The following PIK3R2 variants were observed in gnomAD, a reference collection of about 807,000 sequenced individuals.
PIK3R2 encodes phosphatidylinositol 3-kinase regulatory subunit beta.
In PIK3R2, 40 loss-of-function variants were observed where a neutral mutation model predicts 78.5. The ratio of observed to expected loss-of-function variants is 0.51; its 90% confidence interval spans 0.40 to 0.66. The LOEUF is 0.66. Among genes scored for constraint, PIK3R2 ranks in the 30% least tolerant of loss-of-function variants. The pLI is 0.00. For synonymous variants in PIK3R2, 473 were observed against 457.7 expected, an observed-to-expected ratio of 1.03 and a Z score of -0.43; for missense variants, 880 against 1,026.6, an observed-to-expected ratio of 0.86 and a Z score of 1.95.
intron 11 of PIK3R2, among the ~76,000 whole-genome samples, chr19:18,164,635 G>A (rs1435651453): frequency 7.6e-6 from 1 of 131,002 alleles, no homozygotes; most frequent in South Asian, 2.3e-4. Flanking sequence ...TCTTTTTTTT[G>A]TTTTGTTTTT....
Position 18,156,170 on chromosome 19 carries a change from C to T in PIK3R2, c.291C>T (p.Pro97=), listed in dbSNP as rs201655779. The change falls in exon 2 of 16, where the codon CCC becomes CCT. Residue 97 remains proline, a synonymous_variant. Transcript: ENST00000222254. This position sits in a 1 kb window ranked among gnomAD's most constrained non-coding sequence, Gnocchi z 4.2. ...GPRPRGPRPL[P]ARPRDGAPEP... is the part of the protein sequence containing the mutation. ...GCCCACGGGGCCCCCGCCCACTGCC[C>T]GCCAGGCCCCGTGATGGGGCCCCTG... 1.3e-3 allele frequency: 1,897 copies of T among 1,451,484 alleles called. 22 individuals carry two copies. The African/African-American group carries it at 0.025, about 19-fold the overall frequency. The allele number at this position is 1,451,484 out of a possible 1,614,324, so 89.9% of individuals were successfully genotyped here.
Position 18,168,705 on chromosome 19 carries a change from CG to C in PIK3R2, c.1809-20del. 6.3e-7 allele frequency: 1 copy of C among 1,594,456 alleles called. No individual in the cohort carries two copies. Among genetic ancestry groups the C allele is most frequent in the Non-Finnish European group, 8.6e-7 (1 of 1,163,708 alleles). Reference sequence around the variant, plus strand: ...GCAGGTGAGTGACCAGGGCCCTCCCCGCCACCGCCCCCCACCCCAGCCAGTA... The same window carrying C: ...GCAGGTGAGTGACCAGGGCCCTCCCCCCACCGCCCCCCACCCCAGCCAGTA... On this transcript the variant is annotated intron_variant, in intron 14 of 15. Transcript: ENST00000222254. This position sits in a 1 kb window ranked among gnomAD's most constrained non-coding sequence, Gnocchi z 4.1.
chr19:18,159,400 T>C (rs1568634757), intron 2 of PIK3R2, among the ~76,000 whole-genome samples: 1 of 151,890 alleles, frequency 6.6e-6, no homozygotes, highest in Admixed American at 6.6e-5. Context: ...CAGGCATTCA[T>C]TCCTCTCATG....
intron 11 of PIK3R2, among the ~76,000 whole-genome samples, chr19:18,163,941 A>G (rs1463871473): frequency 2.6e-5 from 4 of 152,166 alleles, no homozygotes; most frequent in Non-Finnish European, 5.9e-5. Context: ...AACTTGGCCA[A>G]CATGTTGAAA....
chr19:18,157,727 C>T (rs1260366941), intron 2 of PIK3R2, among the ~76,000 whole-genome samples: 3 of 114,558 alleles, frequency 2.6e-5, no homozygotes, highest in East Asian at 5.0e-4. Flanking sequence ...TCCTCCTTGT[C>T]CTTTTCCTTT....
rs992898626 is a variant in PIK3R2, at chr19:18,161,636, C to T, written c.815+141C>T. The T allele has an allele frequency of 1.6e-5, 8 of 499,618 alleles. No homozygotes were observed. The highest frequency in any genetic ancestry group is 2.7e-5 in the Non-Finnish European group (8 of 291,834). 30.9% of individuals were successfully genotyped at this position (499,618 alleles called of 1,614,324 possible). On this transcript the variant is annotated intron_variant, in intron 6 of 15. Transcript: ENST00000222254. The surrounding 1 kb of genome is among the most constrained non-coding windows in gnomAD (Gnocchi z 5.3). ...GTGAGAAGCTGCGTTCTTGTGATGA[C>T]GGAGCGGAGACCTGGGCTCCTGAGT...
In PIK3R2 at chr19:18,168,370, C is replaced by T; in HGVS notation, c.1737-105C>T. 1.4e-6 allele frequency: 1 copy of T among 702,198 alleles called. No homozygotes were observed. The highest frequency in any genetic ancestry group is 1.5e-5 in the South Asian group (1 of 65,998). 43.5% of individuals were successfully genotyped at this position (702,198 alleles called of 1,614,324 possible). On this transcript the variant is annotated intron_variant, in intron 13 of 15. Coordinates refer to ENST00000222254, the MANE Select transcript of PIK3R2 (RefSeq NM_005027.4). This position sits in a 1 kb window ranked among gnomAD's most constrained non-coding sequence, Gnocchi z 4.1. ...TTGTGGCAACCGGAGATATTGTACC[C>T]AGAACCCTCTCTCCTCAGCCAGACC...
intron 2 of PIK3R2, among the ~76,000 whole-genome samples, chr19:18,158,086 G>A (rs1048853357): frequency 1.3e-5 from 2 of 152,176 alleles, no homozygotes; most frequent in Non-Finnish European, 2.9e-5. Context: ...TTTTTTAGAA[G>A]CAAAATGATT....
At chr19:18,162,861 G>A in intron 9 of PIK3R2, 106 bp from the exon 10 acceptor site, 5 of 1,072,812 alleles carry the variant, frequency 4.7e-6, no homozygotes, top group Non-Finnish European at 6.7e-6. Flanking sequence ...CTGCACTGCA[G>A]CCTGGACAAC....
chr19:18,164,640 G>T (rs372157056), intron 11 of PIK3R2, among the ~76,000 whole-genome samples: 114 of 138,548 alleles, frequency 8.2e-4, no homozygotes, highest in South Asian at 4.6e-3. Flanking sequence ...TTTTTGTTTT[G>T]TTTTTTTTTT....
chr19:18,159,144 C>CTTTTTTTTTTTTTTTTTTTTTTT (rs57543686), intron 2 of PIK3R2, among the ~76,000 whole-genome samples: 3 of 50,054 alleles, frequency 6.0e-5, no homozygotes, highest in Non-Finnish European at 1.0e-4. Context: ...GCCTGGCCTC[C>CTTTTTTTTTTTTTTTTTTTTTTT]TTTTTTTTTT....
At position 18,167,127 on chromosome 19, in the gene PIK3R2, C is replaced by T. The variant is rs912606375; in HGVS notation, c.1560-3C>T. On this transcript the variant is annotated splice_region_variant and splice_polypyrimidine_tract_variant and intron_variant, in intron 12 of 15. Transcript: ENST00000222254. This position sits in a 1 kb window ranked among gnomAD's most constrained non-coding sequence, Gnocchi z 4.5. ...TCTCTGCGCCACCCCACCCCTCCCA[C>T]AGGATCCTGCTGAACTCCGAGCGGC... 3.2e-6 allele frequency: 5 copies of T among 1,570,042 alleles called. No individual in the cohort carries two copies. Among genetic ancestry groups the T allele is most frequent in the Non-Finnish European group, 4.3e-6 (5 of 1,155,400 alleles).
At position 18,161,848 on chromosome 19, in the gene PIK3R2, G is replaced by A. The variant is rs2043751048; in HGVS notation, c.816-118G>A. 2.5e-6 allele frequency: 2 copies of A among 795,930 alleles called. No individual in the cohort carries two copies. Among genetic ancestry groups the A allele is most frequent in the South Asian group, 1.5e-5 (1 of 66,632 alleles). 49.3% of individuals were successfully genotyped at this position (795,930 alleles called of 1,614,324 possible). A position where few individuals can be genotyped will look rare whatever the true frequency, so the allele number is the denominator to read the frequency against. On this transcript the variant is annotated intron_variant, in intron 6 of 15. Coordinates refer to ENST00000222254, the MANE Select transcript of PIK3R2 (RefSeq NM_005027.4). The surrounding 1 kb of genome is among the most constrained non-coding windows in gnomAD (Gnocchi z 5.3). ...ATGTGCCTGTATCATCTCCTCCTCC[G>A]CCCTGCACATACTGTCTCGTATATA...
intron 15 of PIK3R2, 54 bp from the exon 16 acceptor site, chr19:18,169,033 A>G (rs2147960279): frequency 6.3e-7 from 1 of 1,583,304 alleles, no homozygotes; most frequent in South Asian, 1.1e-5. Context: ...TGGAACGGGG[A>G]AAGCTTGGCG....
At chr19:18,155,057 T>C (rs563722959) in intron 1 of PIK3R2, among the ~76,000 whole-genome samples, 9 of 151,634 alleles carry the variant, frequency 5.9e-5, no homozygotes, top group African/African-American at 1.9e-4. Flanking sequence ...CTACTAAAAA[T>C]ACAAAAATTA....
chr19:18,166,668 C>T (rs1397674988), intron 12 of PIK3R2, among the ~76,000 whole-genome samples: 1 of 147,184 alleles, frequency 6.8e-6, no homozygotes, highest in African/African-American at 2.5e-5. Flanking sequence ...CGAGATTGCA[C>T]CACTGCACTC....
At position 18,169,259 on chromosome 19, in the gene PIK3R2, G is replaced by A. The variant is rs1321931050; in HGVS notation, c.2152G>A (p.Ala718Thr). ...CGTCACCCTGGCGCACCCAGTGCGCGCCCCGGGCCCCGGCCCGCCGCCTGC... is the reference window on the plus strand; with the variant it reads ...CGTCACCCTGGCGCACCCAGTGCGCACCCCGGGCCCCGGCCCGCCGCCTGC... ...LTVTLAHPVR[A>T]PGPGPPPAAR Residue 718 changes from alanine to threonine, a missense_variant, in exon 16 of 16, where the codon GCC becomes ACC. Ala to Thr is a moderately conservative substitution (Grantham distance 58). This residue lies in a region of PIK3R2 where 268 missense variants were observed against 299.1 expected (regional missense o/e 0.90). Transcript: ENST00000222254. 3.9e-6 allele frequency: 6 copies of A among 1,536,640 alleles called. No homozygotes were observed. In the African/African-American group the frequency reaches 5.5e-5, roughly 14 times the overall value.
chr19:18,168,541 T>C lies in PIK3R2; in HGVS notation c.1803T>C (p.Thr601=), dbSNP rs374914179. 10 of 781,330 alleles carry C rather than the reference T, an allele frequency of 1.3e-5. No homozygotes were observed. Among genetic ancestry groups the C allele is most frequent in the Admixed American group, 6.8e-5 (4 of 58,842 alleles). 48.4% of individuals were successfully genotyped at this position (781,330 alleles called of 1,614,324 possible). The stretch of plus-strand genomic sequence containing the variant: ...AGTGGCTGGGGATTAAAAATGAGAC[T>C]GAGGAGTGAGTGACCGTCTGGAGGG... ...INEWLGIKNE[T]EDQYALMEDE... Residue 601 remains threonine, a synonymous_variant, in exon 14 of 16, where the codon ACT becomes ACC. Coordinates refer to ENST00000222254, the MANE Select transcript of PIK3R2 (RefSeq NM_005027.4). This position sits in a 1 kb window ranked among gnomAD's most constrained non-coding sequence, Gnocchi z 4.1.
At position 18,161,134 on chromosome 19, in the gene PIK3R2, G is replaced by T. The variant is rs777507577; in HGVS notation, c.547G>T (p.Ala183Ser). Residue 183 changes from alanine (A) to serine (S), a missense_variant, in exon 5 of 16, where the codon GCG (alanine) becomes TCG (serine). By Grantham distance (99) the Ala-to-Ser change is moderately conservative. Transcript: ENST00000222254. The surrounding 1 kb of genome is among the most constrained non-coding windows in gnomAD (Gnocchi z 5.3). ...GIKSFLLALP[A>S]PLVTPEASAE... ...TAAGAGCTTCCTGCTGGCACTGCCC[G>T]CGCCGCTCGTGACCCCCGAGGCCTC... is the stretch of plus-strand genomic sequence containing the variant. 7 of 1,560,176 alleles carry T rather than the reference G, an allele frequency of 4.5e-6. No individual in the cohort carries two copies. The East Asian group carries it at 1.4e-4, about 32-fold the overall frequency.
Sources: gnomAD v4.1 joint callset for allele counts (sites outside exome capture counted in the v4.1 genomes callset) on GRCh38, gnomAD v4.1.1 for gene constraint, gnomAD v4.1.1 regional missense constraint, Gnocchi (gnomAD v3.1) non-coding constraint, MANE v1.5 for transcripts, NCBI Gene and HGNC (gene_info 2026-07-23, HGNC 2026-07-21) for gene names.